CARS1: variants seen among roughly 807,000 people sequenced by gnomAD.
The protein encoded by CARS1 is cysteine--tRNA ligase, cytoplasmic.
A neutral mutation model predicts 106.2 loss-of-function variants in CARS1; 48 were observed. The observed-to-expected ratio is 0.45, with a 90% CI of 0.36 to 0.57. The LOEUF (loss-of-function observed/expected upper bound fraction) is 0.57, where lower values mean the gene tolerates loss of function less well. CARS1 is among the 20% of genes least tolerant of loss of function. The pLI is 0.00. For missense variants in CARS1, 968 were observed against 1,057.2 expected, an observed-to-expected ratio of 0.92 and a Z score of 1.17; for synonymous variants, 409 against 403.4, an observed-to-expected ratio of 1.01 and a Z score of -0.17.
Position 3,018,711 on chromosome 11 carries a change from C to T in CARS1, c.1434G>A (p.Leu478=). The change falls in exon 13 of 23, where the codon CTG becomes CTA. Residue 478 remains leucine (L), a synonymous_variant. Transcript: ENST00000380525. ...CTGCAATGGTCAGGTGGCCTGTGTG[C>T]AGGAAGTACCTGACCCAGCAGTCGT... The part of the protein sequence containing the change: ...FENDCWVRYF[L]HTGHLTIAGC... 2 of 1,614,150 alleles carry T rather than the reference C, an allele frequency of 1.2e-6. No individual in the cohort carries two copies. Among genetic ancestry groups the T allele is most frequent in the Middle Eastern group, 1.6e-4 (1 of 6,062 alleles).
intron 10 of CARS1, among the ~76,000 whole-genome samples, chr11:3,026,164 A>G (rs543187226): frequency 1.3e-5 from 2 of 152,352 alleles, no homozygotes; most frequent in South Asian, 2.1e-4. Context: ...GAGGTGCAGC[A>G]TAGAACAGTG....
intron 9 of CARS1, chr11:3,027,045 G>GATA: frequency 6.8e-6 from 3 of 438,246 alleles, no homozygotes; most frequent in African/African-American, 2.0e-5. Flanking sequence ...TGTGACCCAT[G>GATA]CAGCTCCCAC....
At chr11:3,026,364 A>C (rs897747142) in intron 10 of CARS1, among the ~76,000 whole-genome samples, 1 of 152,250 alleles carries the variant, frequency 6.6e-6, no homozygotes, top group Non-Finnish European at 1.5e-5. Flanking sequence ...AATGCAAAGA[A>C]AAGGTAAACG....
Position 3,048,356 on chromosome 11 carries a change from T to TTA in CARS1, c.26-356_26-355insTA. 1 of 196,292 alleles carries TTA rather than the reference T, an allele frequency of 5.1e-6. No individual in the cohort carries two copies. Among genetic ancestry groups the TTA allele is most frequent in the Non-Finnish European group, 1.1e-5 (1 of 94,012 alleles). The allele number at this position is 196,292 out of a possible 1,614,324, so 12.2% of individuals were successfully genotyped here. A position where few individuals can be genotyped will look rare whatever the true frequency, so the allele number is the denominator to read the frequency against. Reference sequence around the variant, plus strand: ...TTTTACATTTTTAATTTATGTTTTCTATCAGGGAAAGCAGGAACACAGTTC... The same window carrying TTA: ...TTTTACATTTTTAATTTATGTTTTCTTAATCAGGGAAAGCAGGAACACAGTTC... On this transcript the variant is annotated intron_variant, in intron 1 of 22. Coordinates refer to ENST00000380525, the MANE Select transcript of CARS1 (RefSeq NM_001014437.3). The surrounding 1 kb of genome is among the most constrained non-coding windows in gnomAD (Gnocchi z 5.1).
chr11:3,028,987 T>C lies in CARS1; in HGVS notation c.1031+9A>G, dbSNP rs762830177. On this transcript the variant is annotated intron_variant, in intron 9 of 22. Coordinates refer to ENST00000380525, the MANE Select transcript of CARS1 (RefSeq NM_001014437.3). This position sits in a 1 kb window ranked among gnomAD's most constrained non-coding sequence, Gnocchi z 4.4. ...CCCTTCCCTCCCTAGGGAAGGCCCTTGTGCTTACCCGTAACCGTTGTCCAC... is the reference window on the plus strand; with the variant it reads ...CCCTTCCCTCCCTAGGGAAGGCCCTCGTGCTTACCCGTAACCGTTGTCCAC... The C allele has an allele frequency of 3.7e-5, 60 of 1,606,926 alleles. No individual in the cohort carries two copies. Among genetic ancestry groups the C allele is most frequent in the Non-Finnish European group, 4.7e-5 (55 of 1,173,652 alleles).
At chr11:3,026,844 A>C in intron 9 of CARS1, 47 bp from the exon 10 acceptor site, 2 of 1,582,554 alleles carry the variant, frequency 1.3e-6, no homozygotes, top group Non-Finnish European at 1.7e-6. Flanking sequence ...ACAGACCCGA[A>C]AGTGTGTCAG....
At position 3,041,007 on chromosome 11, in the gene CARS1, A is replaced by T; in HGVS notation, c.367-23T>A. ...TTCCTTTGTTAGGAATGAAGGAATG[A>T]CGATCACAAGAAATGCAAGAAACAC... On this transcript the variant is annotated intron_variant, in intron 3 of 22. Transcript: ENST00000380525. The surrounding 1 kb of genome is among the most constrained non-coding windows in gnomAD (Gnocchi z 4.9). 6.2e-7 allele frequency: 1 copy of T among 1,614,104 alleles called. No homozygotes were observed. Among genetic ancestry groups the T allele is most frequent in the Non-Finnish European group, 8.5e-7 (1 of 1,179,972 alleles).
Position 3,002,521 on chromosome 11 carries a change from C to A in CARS1, c.2277+20G>T. 1 of 1,613,818 alleles carries A rather than the reference C, an allele frequency of 6.2e-7. No individual in the cohort carries two copies. Among genetic ancestry groups the A allele is most frequent in the South Asian group, 1.1e-5 (1 of 91,054 alleles). On this transcript the variant is annotated intron_variant, in intron 21 of 22. Transcript: ENST00000380525. The stretch of plus-strand genomic sequence containing the variant: ...CACTCCTGCCCAGTAGAGCCCTCAC[C>A]CCCAAACAAAATGCATTACTTCTTG...
At chr11:3,024,261 T>G (rs900770844) in intron 10 of CARS1, among the ~76,000 whole-genome samples, 1 of 152,172 alleles carries the variant, frequency 6.6e-6, no homozygotes, top group African/African-American at 2.4e-5. Flanking sequence ...AATTGGTGCT[T>G]TAGGGGCATT....
In CARS1 at chr11:3,043,369, C is replaced by T. The variant is rs1854724623; in HGVS notation, c.275-1113G>A. 6.6e-6 allele frequency among the ~76,000 whole-genome samples: 1 copy of T among 151,990 alleles called. No homozygotes were observed. On this transcript the variant is annotated intron_variant, in intron 2 of 22. Coordinates refer to ENST00000380525, the MANE Select transcript of CARS1 (RefSeq NM_001014437.3). This position sits in a 1 kb window ranked among gnomAD's most constrained non-coding sequence, Gnocchi z 4.0. ...CTGGTGACTTTCCCGTTGCCCTCAG[C>T]CGGCTCCTGCCTGCCCTGCCCCCTC...
intron 10 of CARS1, among the ~76,000 whole-genome samples, chr11:3,024,529 C>G (rs1284963229): frequency 6.6e-6 from 1 of 152,194 alleles, no homozygotes; most frequent in Non-Finnish European, 1.5e-5. Flanking sequence ...CTCACTGCAG[C>G]CTTGACTTCT....
intron 18 of CARS1, among the ~76,000 whole-genome samples, chr11:3,011,221 T>C (rs1184843880): frequency 1.3e-5 from 2 of 152,248 alleles, no homozygotes; most frequent in Non-Finnish European, 2.9e-5. Context: ...TTTTGCTGTG[T>C]TTAACACTTT....
chr11:3,022,798 G>A lies in CARS1; in HGVS notation c.1154-2466C>T, dbSNP rs1405455176. ...CTGGTGGGTCATCTTACTTGGCGGA[G>A]TGAGGAGCTGTCATCATCTAGGACC... is the stretch of plus-strand genomic sequence containing the variant. On this transcript the variant is annotated intron_variant, in intron 10 of 22. Transcript: ENST00000380525. This position sits in a 1 kb window ranked among gnomAD's most constrained non-coding sequence, Gnocchi z 4.9. 1.3e-5 allele frequency among the ~76,000 whole-genome samples: 2 copies of A among 152,134 alleles called. No individual in the cohort carries two copies. Among genetic ancestry groups the A allele is most frequent in the African/African-American group, 4.8e-5 (2 of 41,424 alleles).
rs1851082651 is a variant in CARS1 at position 3,017,046 on chromosome 11, G to A, written c.1917+60C>T. On this transcript the variant is annotated intron_variant, in intron 16 of 22. Transcript: ENST00000380525. This position sits in a 1 kb window ranked among gnomAD's most constrained non-coding sequence, Gnocchi z 4.9. ...CAGAGGCCTCTGTTCTCCCAGTCCT[G>A]GGGCCTGGCTCCTGTGTCCACACAG... is the stretch of plus-strand genomic sequence containing the variant. 2 of 1,478,000 alleles carry A rather than the reference G, an allele frequency of 1.4e-6. No individual in the cohort carries two copies. Among genetic ancestry groups the A allele is most frequent in the Non-Finnish European group, 1.9e-6 (2 of 1,079,568 alleles). The allele number at this position is 1,478,000 out of a possible 1,614,324, so 91.6% of individuals were successfully genotyped here.
chr11:3,018,033 G>A (rs1305195661), intron 14 of CARS1, 79 bp from the exon 15 acceptor site: 5 of 886,252 alleles, frequency 5.6e-6, no homozygotes, highest in Non-Finnish European at 9.0e-6. Flanking sequence ...TTCTACTGCT[G>A]TGATTTTATT....
chr11:3,027,539 G>C (rs911340439), intron 9 of CARS1: 22 of 196,078 alleles, frequency 1.1e-4, no homozygotes, highest in Middle Eastern at 2.4e-3. Flanking sequence ...AGTTATACCA[G>C]ATATAGATCT....
chr11:3,025,659 C>T (rs1313873325), intron 10 of CARS1, among the ~76,000 whole-genome samples: 2 of 152,204 alleles, frequency 1.3e-5, no homozygotes, highest in Admixed American at 6.5e-5. Context: ...TGGCACATTG[C>T]GGGAATCCCC....
At chr11:3,049,030 C>G (rs1855397013) in intron 1 of CARS1, among the ~76,000 whole-genome samples, 1 of 152,230 alleles carries the variant, frequency 6.6e-6, no homozygotes, top group African/African-American at 2.4e-5. Flanking sequence ...CTGACCAGCT[C>G]CATGGCTTTT....
In CARS1 at chr11:3,003,716, C is replaced by G. The variant is rs966348479; in HGVS notation, c.2218-1116G>C. Among the ~76,000 whole-genome samples, 1 of 152,122 alleles carries G rather than the reference C, an allele frequency of 6.6e-6. No individual in the cohort carries two copies. The highest frequency in any genetic ancestry group is 1.5e-5 in the Non-Finnish European group (1 of 68,032). ...GGTGGGGGAGGAGCTGGGCACTGAG[C>G]TTGGAGGAACCAGAGACACAGTGCT... On this transcript the variant is annotated intron_variant, in intron 20 of 22. Transcript: ENST00000380525. The surrounding 1 kb of genome is among the most constrained non-coding windows in gnomAD (Gnocchi z 4.8).
Sources: gnomAD v4.1 joint callset for allele counts (sites outside exome capture counted in the v4.1 genomes callset) on GRCh38, gnomAD v4.1.1 for gene constraint, Gnocchi (gnomAD v3.1) non-coding constraint, MANE v1.5 for transcripts, NCBI Gene and HGNC (gene_info 2026-07-23, HGNC 2026-07-21) for gene names.